The following ENTPD8 variants were observed in gnomAD, a reference collection of about 807,000 sequenced individuals.
ENTPD8 encodes ectonucleoside triphosphate diphosphohydrolase 8, also known as E-NTPDase 8.
ENTPD8 carries 35 observed loss-of-function variants against 47.0 expected under a neutral mutation model. That is an observed-to-expected ratio of 0.75 (90% CI 0.57 to 0.99). The LOEUF (loss-of-function observed/expected upper bound fraction) is 0.99, where lower values mean the gene tolerates loss of function less well. ENTPD8 is among the 50% of genes least tolerant of loss of function. The pLI, the probability that ENTPD8 is intolerant of heterozygous loss-of-function variation, is 0.00. For missense variants in ENTPD8, 668 were observed against 649.9 expected (o/e 1.03, Z -0.30); for synonymous variants, 308 against 290.5 (o/e 1.06, Z -0.61).
At chr9:137,439,931 AG>A (rs1839474470) in intron 1 of ENTPD8, among the ~76,000 whole-genome samples, 1 of 92,648 alleles carries the variant, frequency 1.1e-5, no homozygotes, top group African/African-American at 4.5e-5. Flanking sequence ...CCCCCAGACC[AG>A]GAGAGCCCCC....
chr9:137,437,822 C>T (rs1201852397), intron 3 of ENTPD8, 145 bp downstream of exon 3: 6 of 746,998 alleles, frequency 8.0e-6, no homozygotes, highest in African/African-American at 1.8e-5. Context: ...ACCGCGTGAA[C>T]GCAGGCTCCG....
rs1460157609 is a variant in ENTPD8 at position 137,437,956 on chromosome 9, A to C, written c.244+11T>G. On this transcript the variant is annotated intron_variant, in intron 3 of 9. Transcript: ENST00000371506. ...AGGTCCCAGCACCGGGCTGCAGAAC[A>C]GCCCACTAACCTTCCACCTGGCAGG... The C allele has an allele frequency of 1.2e-6, 2 of 1,607,772 alleles. No individual in the cohort carries two copies. The highest frequency in any genetic ancestry group is 1.7e-6 in the Non-Finnish European group (2 of 1,176,288).
In ENTPD8 at chr9:137,441,318, G is replaced by T; in HGVS notation, c.-53C>A. The T allele has an allele frequency of 3.6e-6, 1 of 275,928 alleles. No individual in the cohort carries two copies. 17.1% of individuals were successfully genotyped at this position (275,928 alleles called of 1,614,324 possible). A position where few individuals can be genotyped will look rare whatever the true frequency, so the allele number is the denominator to read the frequency against. ...GGCTGCCCACTTCCCGGAGCGGCAA[G>T]GAGGAAGCTGTGCTTAGACGCTTCT... On this transcript the variant is annotated 5_prime_UTR_variant, in exon 1 of 10. Coordinates refer to ENST00000371506, the MANE Select transcript of ENTPD8 (RefSeq NM_001033113.2).
rs368512119 is a variant in ENTPD8, at chr9:137,435,012, T to C, written c.1390A>G (p.Ser464Gly). 9.9e-6 allele frequency: 16 copies of C among 1,611,396 alleles called. 1 individual carries two copies. The South Asian group carries it at 1.4e-4, about 14-fold the overall frequency. ...ADAPAQWRAE[S>G]YGVWVAKVVF... ...ACTTTGGCCACCCAGACGCCGTAGC[T>C]CTCTGCCCGCCACTGAGCCGGCGCA... The change falls in exon 10 of 10, where the codon AGC becomes GGC. Residue 464 changes from serine (S) to glycine (G), a missense_variant. Coordinates refer to ENST00000371506, the MANE Select transcript of ENTPD8 (RefSeq NM_001033113.2).
At chr9:137,435,161 TGCCCACGCCCACGCCCC>T (rs1554748495) in intron 9 of ENTPD8, 26 bp downstream of exon 9, 6 of 1,601,854 alleles carry the variant, frequency 3.7e-6, no homozygotes, top group Non-Finnish European at 5.1e-6. Flanking sequence ...GACCACGACC[TGCCCACGCCCACGCCCC>T]GCCCACGCCC....
Position 137,436,575 on chromosome 9 carries a change from G to A in ENTPD8, c.732C>T (p.Tyr244=), listed in dbSNP as rs1839367074. ...GSDYSVYTHS[Y]LCFGRDQMLS... Reference sequence around the variant, plus strand: ...GCATCTGGTCCCGTCCAAAGCACAGGTAGCTGTGAGTGTAGACGCTGTAGT... The same window carrying A: ...GCATCTGGTCCCGTCCAAAGCACAGATAGCTGTGAGTGTAGACGCTGTAGT... The change falls in exon 6 of 10, where the codon TAC becomes TAT. Residue 244 remains tyrosine, a synonymous_variant. Coordinates refer to ENST00000371506, the MANE Select transcript of ENTPD8 (RefSeq NM_001033113.2). 1.9e-6 allele frequency: 3 copies of A among 1,611,988 alleles called. No homozygotes were observed. Among genetic ancestry groups the A allele is most frequent in the Non-Finnish European group, 2.5e-6 (3 of 1,179,804 alleles).
At chr9:137,439,436 A>G (rs1388131274) in intron 1 of ENTPD8, among the ~76,000 whole-genome samples, 3 of 152,142 alleles carry the variant, frequency 2.0e-5, no homozygotes, top group East Asian at 1.9e-4. Context: ...ACCGTGTCCT[A>G]TCGTGTTCCC....
chr9:137,437,049 G>C (rs762131755), intron 4 of ENTPD8, 21 bp from the exon 5 acceptor site: 6 of 1,607,642 alleles, frequency 3.7e-6, no homozygotes, highest in Non-Finnish European at 5.1e-6. Flanking sequence ...AGGACCAGGG[G>C]CTGGAGCTGG....
At chr9:137,439,733 C>T (rs1162493967) in intron 1 of ENTPD8, among the ~76,000 whole-genome samples, 5 of 152,056 alleles carry the variant, frequency 3.3e-5, no homozygotes, top group Non-Finnish European at 7.4e-5. Flanking sequence ...CACAGGGACT[C>T]CACACCCAGA....
intron 9 of ENTPD8, 44 bp downstream of exon 9, chr9:137,435,160 C>T: frequency 6.2e-7 from 1 of 1,601,810 alleles, no homozygotes; most frequent in Non-Finnish European, 8.5e-7. Context: ...GGACCACGAC[C>T]TGCCCACGCC....
rs1442671033 is a variant in ENTPD8 at position 137,437,252 on chromosome 9, C to T, written c.302G>A (p.Gly101Asp). The T allele has an allele frequency of 5.6e-6, 9 of 1,612,924 alleles. No individual in the cohort carries two copies. The highest frequency in any genetic ancestry group is 5.9e-6 in the Non-Finnish European group (7 of 1,180,002). Residue 101 changes from glycine (G) to aspartate (D), a missense_variant, in exon 4 of 10, where the codon GGC (glycine) becomes GAC (aspartate). By Grantham distance (94) the Gly-to-Asp change is moderately conservative. Transcript: ENST00000371506. The stretch of plus-strand genomic sequence containing the variant: ...CAGCACCAGCGCCTCCTCCAAGCAG[C>T]CCTGCAGGCTCTCACCAGCCTGTGC... ...NAAQAGESLQ[G>D]CLEEALVLIP...
intron 1 of ENTPD8, among the ~76,000 whole-genome samples, chr9:137,439,956 C>G (rs1003050562): frequency 1.5e-3 from 121 of 78,744 alleles, no homozygotes; most frequent in Non-Finnish European, 2.3e-3. Flanking sequence ...ACCAGGACAC[C>G]CCCTCAGACA....
rs1223061290 is a variant in ENTPD8, at chr9:137,436,926, C to G, written c.498G>C (p.Gln166His). The change falls in exon 5 of 10, where the codon CAG becomes CAC. Residue 166 changes from glutamine (Q) to histidine (H), a missense_variant. By Grantham distance (24) the Gln-to-His change is conservative (BLOSUM62 0). Transcript: ENST00000371506. ...TGATCCAACCAAAGGCACCTTCGGC[C>G]TGCCCGGCCAGGAGCTCGGCACCCC... The part of the protein sequence containing the change: ...DFWGAELLAG[Q>H]AEGAFGWITV... The G allele has an allele frequency of 5.6e-6, 9 of 1,612,958 alleles. No individual in the cohort carries two copies. Among genetic ancestry groups the G allele is most frequent in the Middle Eastern group, 1.6e-4 (1 of 6,084 alleles).
chr9:137,438,670 G>A lies in ENTPD8; in HGVS notation c.-20-365C>T, dbSNP rs1389322245. Among the ~76,000 whole-genome samples the A allele has an allele frequency of 6.6e-6, 1 of 152,014 alleles. No homozygotes were observed. Among genetic ancestry groups the A allele is most frequent in the African/African-American group, 2.4e-5 (1 of 41,392 alleles). ...CTCCCGTGGCCATAGAGGCATCCCC[G>A]GGGCTCAGACGCCTCCCGTGGCCAA... On this transcript the variant is annotated intron_variant, in intron 1 of 9. Transcript: ENST00000371506. This position sits in a 1 kb window ranked among gnomAD's most constrained non-coding sequence, Gnocchi z 5.7.
In ENTPD8 at chr9:137,435,332, C is replaced by T. The variant is rs560582680; in HGVS notation, c.1168G>A (p.Ala390Thr). The change falls in exon 9 of 10, where the codon GCC becomes ACC. Residue 390 changes from alanine to threonine, a missense_variant. Coordinates refer to ENST00000371506, the MANE Select transcript of ENTPD8 (RefSeq NM_001033113.2). ...CAGCGGTCCTGCCCAGGGTAGCTGG[C>T]CTCCACCTGGGGCCCAGGAGACCAA... is the stretch of plus-strand genomic sequence containing the variant. ...FCQRPWKLVEASYPGQDRWLR... is the reference protein window; with the variant it reads ...FCQRPWKLVETSYPGQDRWLR... 2 of 1,609,772 alleles carry T rather than the reference C, an allele frequency of 1.2e-6. No homozygotes were observed. The highest frequency in any genetic ancestry group is 1.3e-5 in the African/African-American group (1 of 74,984).
In ENTPD8 at chr9:137,436,138, C is replaced by T. The variant is rs1839344156; in HGVS notation, c.925G>A (p.Gly309Arg). ...LSLPQNLTVEGTGNPGACVSA... is the reference protein window; with the variant it reads ...LSLPQNLTVERTGNPGACVSA... ...ACGCAGGCTCCAGGGTTGCCTGTCCCTTCAACTGTGAGGTTCTGGGGGAGG... is the reference window on the plus strand; with the variant it reads ...ACGCAGGCTCCAGGGTTGCCTGTCCTTTCAACTGTGAGGTTCTGGGGGAGG... Residue 309 changes from glycine (G) to arginine (R), a missense_variant, in exon 7 of 10, where the codon GGG (glycine) becomes AGG (arginine). Transcript: ENST00000371506. The T allele has an allele frequency of 6.2e-7, 1 of 1,613,010 alleles. No individual in the cohort carries two copies. Among genetic ancestry groups the T allele is most frequent in the African/African-American group, 1.3e-5 (1 of 75,060 alleles).
At chr9:137,439,241 C>G (rs998307944) in intron 1 of ENTPD8, among the ~76,000 whole-genome samples, 16 of 152,288 alleles carry the variant, frequency 1.1e-4, no homozygotes, top group African/African-American at 3.9e-4. Context: ...CTGGGCTTCT[C>G]TAGCCCTGTG....
In ENTPD8 at chr9:137,438,910, C is replaced by T. The variant is rs575209301; in HGVS notation, c.-20-605G>A. Among the ~76,000 whole-genome samples the T allele has an allele frequency of 1.8e-3, 275 of 152,236 alleles. 2 individuals are homozygous for T. Among genetic ancestry groups the T allele is most frequent in the Non-Finnish European group, 3.3e-3 (226 of 67,978 alleles). On this transcript the variant is annotated intron_variant, in intron 1 of 9. Coordinates refer to ENST00000371506, the MANE Select transcript of ENTPD8 (RefSeq NM_001033113.2). This position sits in a 1 kb window ranked among gnomAD's most constrained non-coding sequence, Gnocchi z 5.7. Reference sequence around the variant, plus strand: ...CCCCACCCCTCGGTCCTGCCTCTCCCGTGCCACCCTCCCCAGGAGCAGCCA... The same window carrying T: ...CCCCACCCCTCGGTCCTGCCTCTCCTGTGCCACCCTCCCCAGGAGCAGCCA...
rs766244306 is a variant in ENTPD8, at chr9:137,436,506, C to G, written c.786+15G>C. ...GTTCCCACAGCCCCATGCACCCTCC[C>G]CAGGGCCAGCTGACCTGTACCAGCC... is the stretch of plus-strand genomic sequence containing the variant. On this transcript the variant is annotated intron_variant, in intron 6 of 9. Transcript: ENST00000371506. 1.3e-6 allele frequency: 2 copies of G among 1,589,564 alleles called. No individual in the cohort carries two copies. Among genetic ancestry groups the G allele is most frequent in the South Asian group, 2.3e-5 (2 of 87,804 alleles).
Sources: allele counts gnomAD v4.1 joint callset (sites outside exome capture counted in the v4.1 genomes callset), GRCh38; gene constraint gnomAD v4.1.1; non-coding constraint Gnocchi (gnomAD v3.1); transcripts MANE v1.5; gene names NCBI Gene and HGNC (gene_info 2026-07-23, HGNC 2026-07-21).